Variants in ARHGAP24 observed in about 807,000 individuals in gnomAD.
ARHGAP24 encodes the protein rho GTPase-activating protein 24.
A neutral mutation model predicts 76.4 loss-of-function variants in ARHGAP24; 50 were observed. The observed-to-expected ratio is 0.65, with a 90% CI of 0.52 to 0.83. The LOEUF is 0.83. ARHGAP24 is among the 40% of genes least tolerant of loss of function. The pLI, the probability that ARHGAP24 is intolerant of heterozygous loss-of-function variation, is 0.00. For missense variants in ARHGAP24, 930 were observed against 914.2 expected, an observed-to-expected ratio of 1.02 and a Z score of -0.22; for synonymous variants, 345 against 323.3, an observed-to-expected ratio of 1.07 and a Z score of -0.72.
intron 1 of ARHGAP24, among the ~76,000 whole-genome samples, chr4:85,538,793 AT>A (rs1412043526): frequency 3.3e-5 from 5 of 152,334 alleles, no homozygotes; most frequent in Admixed American, 2.6e-4. Flanking sequence ...GTTATTGGAA[AT>A]AATCAAACTC....
At chr4:85,495,982 A>G (rs1441525734) in intron 1 of ARHGAP24, among the ~76,000 whole-genome samples, 2 of 152,224 alleles carry the variant, frequency 1.3e-5, no homozygotes, top group South Asian at 2.1e-4. Context: ...CCTAGAGAAC[A>G]TGGGAAGTAG....
rs111410344 is a variant in ARHGAP24, at chr4:85,755,626, G to GTTTTTTTTTTTTTTTTTTTTTTT, written c.268+33658_268+33659insTTTTTTTTTTTTTTTTTTTTTTT. Among the ~76,000 whole-genome samples the GTTTTTTTTTTTTTTTTTTTTTTT allele has an allele frequency of 6.0e-5, 7 of 117,370 alleles. 3 individuals are homozygous for GTTTTTTTTTTTTTTTTTTTTTTT. Among genetic ancestry groups the GTTTTTTTTTTTTTTTTTTTTTTT allele is most frequent in the Non-Finnish European group, 3.6e-5 (2 of 56,168 alleles). 77.0% of individuals were successfully genotyped at this position (117,370 alleles called of 152,430 possible). A position where few individuals can be genotyped will look rare whatever the true frequency, so the allele number is the denominator to read the frequency against. ...TTCTATGGGAAGCTTCTATTCTTTT[G>GTTTTTTTTTTTTTTTTTTTTTTT]TTTTGTTTTGTTTTGTTTTGTTTTG... is the stretch of plus-strand genomic sequence containing the variant. On this transcript the variant is annotated intron_variant, in intron 3 of 9. Transcript: ENST00000395184.
At position 85,994,714 on chromosome 4, in the gene ARHGAP24, A is replaced by G. The variant is rs779583061; in HGVS notation, c.1060A>G (p.Thr354Ala). 2 of 1,614,156 alleles carry G rather than the reference A, an allele frequency of 1.2e-6. No homozygotes were observed. The highest frequency in any genetic ancestry group is 1.7e-6 in the Non-Finnish European group (2 of 1,180,016). Reference sequence around the variant, plus strand: ...CAACAATGAAATTCAGAAGAAAGCCACCATGGGGCAGTTACAGAACAAGGA... The same window carrying G: ...CAACAATGAAATTCAGAAGAAAGCCGCCATGGGGCAGTTACAGAACAAGGA... Reference protein sequence around the residue: ...SNNNEIQKKATMGQLQNKENN... With the variant: ...SNNNEIQKKAAMGQLQNKENN... The change falls in exon 9 of 10, where the codon ACC becomes GCC. Residue 354 changes from threonine (T) to alanine (A), a missense_variant. Thr to Ala is a moderately conservative substitution (Grantham distance 58). Coordinates refer to ENST00000395184, the MANE Select transcript of ARHGAP24 (RefSeq NM_001025616.3).
chr4:85,654,883 C>G (rs1344796400), intron 2 of ARHGAP24, among the ~76,000 whole-genome samples: 1 of 152,088 alleles, frequency 6.6e-6, no homozygotes, highest in Admixed American at 6.6e-5. Context: ...ATAGTACTGG[C>G]AGACACAAGT....
intron 2 of ARHGAP24, among the ~76,000 whole-genome samples, chr4:85,626,433 G>A (rs1300878704): frequency 5.3e-5 from 8 of 152,176 alleles, no homozygotes; most frequent in African/African-American, 1.9e-4. Context: ...TTTCTGTCGA[G>A]AGATCTGCTG....
chr4:85,741,268 A>C (rs1725815480), intron 3 of ARHGAP24, among the ~76,000 whole-genome samples: 1 of 152,196 alleles, frequency 6.6e-6, no homozygotes, highest in Non-Finnish European at 1.5e-5. Flanking sequence ...CATACTAGAG[A>C]TGGGGCTAGA....
At chr4:85,615,094 T>A (rs1353093557) in intron 2 of ARHGAP24, among the ~76,000 whole-genome samples, 1 of 152,056 alleles carries the variant, frequency 6.6e-6, no homozygotes, top group African/African-American at 2.4e-5. Flanking sequence ...TTCAATTTCA[T>A]TTTAAAAGGG....
chr4:85,555,367 C>T (rs971423), intron 1 of ARHGAP24, among the ~76,000 whole-genome samples: 125,471 of 152,194 alleles, frequency 0.82, 54,133 homozygotes, highest in East Asian at 0.98. Context: ...TTATTTGTGG[C>T]TGAGTTCTTG....
intron 2 of ARHGAP24, among the ~76,000 whole-genome samples, chr4:85,640,755 G>A (rs1297248393): frequency 2.6e-5 from 4 of 151,934 alleles, no homozygotes; most frequent in Non-Finnish European, 5.9e-5. Flanking sequence ...TTTTATACTT[G>A]CTACCTCTTT....
intron 2 of ARHGAP24, among the ~76,000 whole-genome samples, chr4:85,680,025 G>A (rs890617334): frequency 2.0e-5 from 3 of 152,046 alleles, no homozygotes; most frequent in Admixed American, 6.6e-5. Flanking sequence ...ACCTCCCTTC[G>A]AGGAGAAGAG....
chr4:85,760,483 G>C (rs1467228225), intron 3 of ARHGAP24, among the ~76,000 whole-genome samples: 1 of 152,130 alleles, frequency 6.6e-6, no homozygotes, highest in Non-Finnish European at 1.5e-5. Context: ...TTCTACATGA[G>C]TCTTTCTTTA....
chr4:85,502,080 A>G (rs1212602796), intron 1 of ARHGAP24, among the ~76,000 whole-genome samples: 2 of 152,116 alleles, frequency 1.3e-5, no homozygotes, highest in African/African-American at 2.4e-5. Context: ...CCATTGGTCT[A>G]TATCTCTGTT....
At chr4:85,873,571 A>T (rs1303755085) in intron 3 of ARHGAP24, among the ~76,000 whole-genome samples, 1 of 152,156 alleles carries the variant, frequency 6.6e-6, no homozygotes, top group East Asian at 1.9e-4. Context: ...CTAGAGCATA[A>T]TGTGATAAAT....
In ARHGAP24 at chr4:85,954,120, C is replaced by T. The variant is rs542266648; in HGVS notation, c.599+11847C>T. ...CATTGCATTAAAACAAATGAGCTGC[C>T]CCAAACATAACAAGAAAAAAAGATG... On this transcript the variant is annotated intron_variant, in intron 5 of 9. Coordinates refer to ENST00000395184, the MANE Select transcript of ARHGAP24 (RefSeq NM_001025616.3). Among the ~76,000 whole-genome samples, 23 of 152,136 alleles carry T rather than the reference C, an allele frequency of 1.5e-4. No homozygotes were observed. The South Asian group carries it at 4.8e-3, about 32-fold the overall frequency.
chr4:85,683,107 T>TGGGGGGGGGGGGGGG (rs1310671945), intron 2 of ARHGAP24, among the ~76,000 whole-genome samples: 3 of 12,844 alleles, frequency 2.3e-4, no homozygotes, highest in Admixed American at 1.9e-3. Context: ...TCTCTCAGTG[T>TGGGGGGGGGGGGGGG]GTGGGGGGGT....
chr4:85,660,281 T>G (rs989894681), intron 2 of ARHGAP24, among the ~76,000 whole-genome samples: 4 of 152,232 alleles, frequency 2.6e-5, no homozygotes, highest in African/African-American at 9.6e-5. Flanking sequence ...TCTCACACTT[T>G]AGTTAATATT....
At chr4:85,641,045 A>T (rs182037832) in intron 2 of ARHGAP24, among the ~76,000 whole-genome samples, 71 of 152,276 alleles carry the variant, frequency 4.7e-4, no homozygotes, top group East Asian at 1.7e-3. Flanking sequence ...AGAAATAACT[A>T]AAGAAATTTC....
In ARHGAP24 at chr4:85,789,731, G is replaced by A. The variant is rs185525126; in HGVS notation, c.268+67759G>A. On this transcript the variant is annotated intron_variant, in intron 3 of 9. Transcript: ENST00000395184. ...GGGAATGGAGAAGTTGATGCCAACC[G>A]TTCCAGTGCATTCACTGTAGAAACT... Among the ~76,000 whole-genome samples, 262 of 152,256 alleles carry A rather than the reference G, an allele frequency of 1.7e-3. 3 individuals are homozygous for A. The highest frequency in any genetic ancestry group is 2.7e-3 in the Non-Finnish European group (181 of 68,016).
chr4:85,604,899 A>C (rs1329598345), intron 2 of ARHGAP24, among the ~76,000 whole-genome samples: 1 of 152,154 alleles, frequency 6.6e-6, no homozygotes. Flanking sequence ...TTTTTAGTAG[A>C]AACGGGGTTT....
Sources: allele counts gnomAD v4.1 joint callset (sites outside exome capture counted in the v4.1 genomes callset), GRCh38; gene constraint gnomAD v4.1.1; transcripts MANE v1.5; gene names NCBI Gene and HGNC (gene_info 2026-07-23, HGNC 2026-07-21).